The following FAM178B variants were observed in gnomAD, a reference collection of about 807,000 sequenced individuals.
FAM178B encodes the protein family with sequence similarity 178 member B.
In FAM178B, 82 loss-of-function variants were observed where a neutral mutation model predicts 91.7. That is an observed-to-expected ratio of 0.89 (90% CI 0.75 to 1.07). The LOEUF (loss-of-function observed/expected upper bound fraction) is 1.07, where lower values mean the gene tolerates loss of function less well. FAM178B is among the 50% of genes least tolerant of loss of function. The pLI is 0.00. For synonymous variants in FAM178B, 368 were observed against 359.4 expected, an observed-to-expected ratio of 1.02 and a Z score of -0.27; for missense variants, 769 against 846.7, an observed-to-expected ratio of 0.91 and a Z score of 1.14.
chr2:96,889,331 T>C (rs928319741), intron 14 of FAM178B, among the ~76,000 whole-genome samples: 1 of 152,164 alleles, frequency 6.6e-6, no homozygotes, highest in Non-Finnish European at 1.5e-5. Flanking sequence ...ATCCTTGTAC[T>C]ATATGCCTCC....
Position 96,951,449 on chromosome 2 carries a change from C to T in FAM178B, c.923G>A (p.Ser308Asn). The change falls in exon 7 of 17, where the codon AGT (serine) becomes AAT (asparagine). Residue 308 changes from serine to asparagine, a missense_variant. Coordinates refer to ENST00000490605, the MANE Select transcript of FAM178B (RefSeq NM_001122646.3). ...CAGGTAGAGGATGTTCAGGAGGCCACTGCGCAGGAAGGAGAGCTGTTGGGC... is the reference window on the plus strand; with the variant it reads ...CAGGTAGAGGATGTTCAGGAGGCCATTGCGCAGGAAGGAGAGCTGTTGGGC... ...PPAQQLSFLRSGLLNILYLHM... is the reference protein window; with the variant it reads ...PPAQQLSFLRNGLLNILYLHM... 6.4e-7 allele frequency: 1 copy of T among 1,551,626 alleles called. No individual in the cohort carries two copies. Among genetic ancestry groups the T allele is most frequent in the Non-Finnish European group, 8.7e-7 (1 of 1,146,958 alleles).
At chr2:96,951,655 A>G (rs1319128288) in intron 6 of FAM178B, 171 bp from the exon 7 acceptor site, 1 of 596,430 alleles carries the variant, frequency 1.7e-6, no homozygotes, top group Non-Finnish European at 3.0e-6. Flanking sequence ...GTCAGAAGGA[A>G]AAGAACCCAG....
At chr2:96,883,355 G>A (rs2080436130) in intron 14 of FAM178B, among the ~76,000 whole-genome samples, 1 of 152,238 alleles carries the variant, frequency 6.6e-6, no homozygotes, top group African/African-American at 2.4e-5. Flanking sequence ...AGCGGGCTGT[G>A]GCCTGGGCTA....
At chr2:96,976,883 C>T (rs2082295396) in intron 1 of FAM178B, among the ~76,000 whole-genome samples, 1 of 151,188 alleles carries the variant, frequency 6.6e-6, no homozygotes, top group South Asian at 2.1e-4. Context: ...TAAATAAACA[C>T]ATAAAACCTT....
In FAM178B at chr2:96,878,454, C is replaced by T. The variant is rs1295258043; in HGVS notation, c.1816G>A (p.Val606Ile). ...LCHSLLMLAG[V>I]VVSCQDITPD... The stretch of plus-strand genomic sequence containing the variant: ...GTGATGTCCTGGCAGCTAACAACTA[C>T]CCCGGCCAGCATCAGCAAGCTGTGG... Residue 606 changes from valine (V) to isoleucine (I), a missense_variant, in exon 15 of 17, where the codon GTA becomes ATA. Transcript: ENST00000490605. 6.2e-7 allele frequency: 1 copy of T among 1,613,954 alleles called. No individual in the cohort carries two copies. Among genetic ancestry groups the T allele is most frequent in the East Asian group, 2.2e-5 (1 of 44,876 alleles).
intron 14 of FAM178B, among the ~76,000 whole-genome samples, chr2:96,892,852 C>T (rs1413094088): frequency 6.6e-6 from 1 of 151,168 alleles, no homozygotes; most frequent in Non-Finnish European, 1.5e-5. Context: ...CATAACCAGC[C>T]CATAACCAGC....
intron 1 of FAM178B, among the ~76,000 whole-genome samples, chr2:96,982,671 C>T (rs989239584): frequency 3.3e-5 from 5 of 151,644 alleles, no homozygotes; most frequent in African/African-American, 1.2e-4. Flanking sequence ...TGGGCCCAAG[C>T]AACCCTCCTG....
chr2:96,958,189 C>T (rs1266065293), intron 6 of FAM178B, among the ~76,000 whole-genome samples: 1 of 151,862 alleles, frequency 6.6e-6, no homozygotes, highest in Non-Finnish European at 1.5e-5. Context: ...CCTGCCACAG[C>T]CTCCTGAGTA....
At chr2:96,889,439 G>C (rs2080611680) in intron 14 of FAM178B, among the ~76,000 whole-genome samples, 1 of 152,102 alleles carries the variant, frequency 6.6e-6, no homozygotes, top group Non-Finnish European at 1.5e-5. Context: ...AGCACTGTGG[G>C]AGGCCGAGGC....
intron 8 of FAM178B, among the ~76,000 whole-genome samples, chr2:96,946,792 G>A (rs1413228460): frequency 6.6e-6 from 1 of 152,236 alleles, no homozygotes; most frequent in Non-Finnish European, 1.5e-5. Context: ...AGTGCATCGG[G>A]GGCTACAGGG....
intron 14 of FAM178B, among the ~76,000 whole-genome samples, chr2:96,893,372 GC>G (rs1037245894): frequency 8.5e-5 from 13 of 152,066 alleles, no homozygotes; most frequent in Non-Finnish European, 1.5e-5. Flanking sequence ...GCACCTTGTT[GC>G]TCCTGACTCC....
At chr2:96,923,336 C>T (rs2081377727) in intron 10 of FAM178B, among the ~76,000 whole-genome samples, 154 bp downstream of exon 10, 1 of 152,224 alleles carries the variant, frequency 6.6e-6, no homozygotes, top group African/African-American at 2.4e-5. Flanking sequence ...TCCGATAACA[C>T]AGTTTCTGTA....
At chr2:96,892,059 T>C (rs1303039826) in intron 14 of FAM178B, among the ~76,000 whole-genome samples, 2 of 152,194 alleles carry the variant, frequency 1.3e-5, no homozygotes, top group African/African-American at 2.4e-5. Flanking sequence ...ATGCCGCCGC[T>C]GTTGTTTTTG....
chr2:96,911,721 G>A (rs1003452178), intron 12 of FAM178B, among the ~76,000 whole-genome samples: 3 of 152,176 alleles, frequency 2.0e-5, no homozygotes, highest in African/African-American at 7.2e-5. Flanking sequence ...CCAAGGCAGC[G>A]ACAGGGAGGG....
At chr2:96,898,560 G>T (rs1350533720) in intron 13 of FAM178B, among the ~76,000 whole-genome samples, 1 of 152,170 alleles carries the variant, frequency 6.6e-6, no homozygotes, top group East Asian at 1.9e-4. Context: ...AGGCTGAGGT[G>T]GGAGGATCAC....
rs2080238203 is a variant in FAM178B at position 96,876,239 on chromosome 2, G to A, written c.*37C>T. 4 of 1,598,432 alleles carry A rather than the reference G, an allele frequency of 2.5e-6. No individual in the cohort carries two copies. Among genetic ancestry groups the A allele is most frequent in the Non-Finnish European group, 3.4e-6 (4 of 1,171,576 alleles). ...TCCCTGAGCCTGTTCACTTCCTGCTGAAGCCAGGAGCCCTGGGCTGCCCTG... is the reference window on the plus strand; with the variant it reads ...TCCCTGAGCCTGTTCACTTCCTGCTAAAGCCAGGAGCCCTGGGCTGCCCTG... On this transcript the variant is annotated 3_prime_UTR_variant, in exon 17 of 17. Transcript: ENST00000490605.
chr2:96,914,307 C>A (rs762991314), intron 12 of FAM178B, among the ~76,000 whole-genome samples: 1 of 152,120 alleles, frequency 6.6e-6, no homozygotes, highest in Non-Finnish European at 1.5e-5. Context: ...GAGCAGAGAC[C>A]ACCATGATGA....
At chr2:96,877,097 C>T (rs1248535562) in intron 16 of FAM178B, among the ~76,000 whole-genome samples, 1 of 152,114 alleles carries the variant, frequency 6.6e-6, no homozygotes, top group Admixed American at 6.5e-5. Flanking sequence ...TCTTGAGAAA[C>T]GGATCTTCAT....
intron 8 of FAM178B, chr2:96,938,893 A>G (rs1462830302): frequency 1.3e-5 from 2 of 152,350 alleles, no homozygotes; most frequent in Non-Finnish European, 2.9e-5. Context: ...CATAACAGAG[A>G]GGAAGAGATG....
Sources: allele counts gnomAD v4.1 joint callset (sites outside exome capture counted in the v4.1 genomes callset), GRCh38; gene constraint gnomAD v4.1.1; transcripts MANE v1.5; gene names NCBI Gene and HGNC (gene_info 2026-07-23, HGNC 2026-07-21).